Variants in VIPR1 observed in about 807,000 individuals in gnomAD.
VIPR1 encodes vasoactive intestinal peptide receptor 1, also known as vasoactive intestinal polypeptide receptor 1.
In VIPR1, 59 loss-of-function variants were observed where a neutral mutation model predicts 58.8. That is an observed-to-expected ratio of 1.00 (90% CI 0.81 to 1.25). The LOEUF is 1.25. Among genes scored for constraint, VIPR1 ranks in the 50% most tolerant of loss-of-function variants. The pLI is 0.00. For missense variants in VIPR1, 626 were observed against 602.7 expected (o/e 1.04, Z -0.40); for synonymous variants, 251 against 242.1 (o/e 1.04, Z -0.34).
chr3:42,531,619 G>A lies in VIPR1; in HGVS notation c.851+88G>A, dbSNP rs1223240320. ...TGATAATGCCATCTGGCCTTGGTGA[G>A]TGGACAAAAACCACAGCTCTCGGGC... On this transcript the variant is annotated intron_variant, in intron 8 of 12. Transcript: ENST00000325123. 6.3e-6 allele frequency: 10 copies of A among 1,575,634 alleles called. No homozygotes were observed. The East Asian group carries it at 1.2e-4, about 18-fold the overall frequency.
chr3:42,519,705 A>G (rs1399547451), intron 3 of VIPR1, among the ~76,000 whole-genome samples: 2 of 152,332 alleles, frequency 1.3e-5, no homozygotes, highest in African/African-American at 2.4e-5. Context: ...GACTTTGCTT[A>G]CACACCTTGT....
At chr3:42,517,002 G>A (rs1285740099) in intron 2 of VIPR1, among the ~76,000 whole-genome samples, 1 of 152,226 alleles carries the variant, frequency 6.6e-6, no homozygotes, top group Non-Finnish European at 1.5e-5. Flanking sequence ...CAGAGAAGCT[G>A]GCCCAGAATG....
chr3:42,530,493 G>A (rs1210641775), intron 6 of VIPR1: 3 of 364,890 alleles, frequency 8.2e-6, no homozygotes, highest in African/African-American at 6.0e-5. Context: ...ATGGATAGGT[G>A]GGTAGATGAT....
chr3:42,522,099 ATATTT>A (rs1559489562), intron 3 of VIPR1, among the ~76,000 whole-genome samples: 1 of 55,580 alleles, frequency 1.8e-5, no homozygotes, highest in African/African-American at 9.7e-5. Context: ...ATATATATAT[ATATTT>A]TTTTTTTTTT....
In VIPR1 at chr3:42,519,398, A is replaced by C. The variant is rs1168890060; in HGVS notation, c.292+68A>C. 4.3e-6 allele frequency: 6 copies of C among 1,407,712 alleles called. No homozygotes were observed. In the Admixed American group the frequency reaches 1.4e-4, roughly 33 times the overall value. 87.2% of individuals were successfully genotyped at this position (1,407,712 alleles called of 1,614,324 possible). A position where few individuals can be genotyped will look rare whatever the true frequency, so the allele number is the denominator to read the frequency against. On this transcript the variant is annotated intron_variant, in intron 3 of 12. Coordinates refer to ENST00000325123, the MANE Select transcript of VIPR1 (RefSeq NM_004624.4). ...TGGAGTGGGGACTCACCTCTCAAGG[A>C]AGTGGAAAGGCAAAGGAAAGTGGTC...
chr3:42,522,439 A>G (rs1040733859), intron 3 of VIPR1, among the ~76,000 whole-genome samples: 2 of 152,140 alleles, frequency 1.3e-5, no homozygotes, highest in Non-Finnish European at 2.9e-5. Context: ...GATTTGTTTT[A>G]AAATAAATAT....
At chr3:42,519,181 T>C in intron 2 of VIPR1, 42 bp from the exon 3 acceptor site, 2 of 1,519,386 alleles carry the variant, frequency 1.3e-6, no homozygotes, top group Non-Finnish European at 8.9e-7. Context: ...TGGAGGCACC[T>C]GCACTGTGCT....
At position 42,502,723 on chromosome 3, in the gene VIPR1, C is replaced by G; in HGVS notation, c.-13C>G. On this transcript the variant is annotated 5_prime_UTR_variant, in exon 1 of 13. Transcript: ENST00000325123. ...CCCGCGCGGGGCCGCCCGCCGCGGGCTCAGGGCAGACCATGCGCCCGCCAA... is the reference window on the plus strand; with the variant it reads ...CCCGCGCGGGGCCGCCCGCCGCGGGGTCAGGGCAGACCATGCGCCCGCCAA... 1 of 1,309,028 alleles carries G rather than the reference C, an allele frequency of 7.6e-7. No individual in the cohort carries two copies. The highest frequency in any genetic ancestry group is 9.7e-7 in the Non-Finnish European group (1 of 1,033,556). 81.1% of individuals were successfully genotyped at this position (1,309,028 alleles called of 1,614,324 possible).
intron 11 of VIPR1, 89 bp downstream of exon 11, chr3:42,535,193 C>T: frequency 1.2e-6 from 2 of 1,602,754 alleles, no homozygotes; most frequent in Non-Finnish European, 1.7e-6. Context: ...GGATTCCAAC[C>T]TTTTTACTGT....
chr3:42,527,786 G>A (rs1701313110), intron 5 of VIPR1: 1 of 735,702 alleles, frequency 1.4e-6, no homozygotes, highest in Non-Finnish European at 2.2e-6. Flanking sequence ...ACGAGGTTGA[G>A]GCCCTTGGGA....
Position 42,507,744 on chromosome 3 carries a change from A to G in VIPR1, c.78+4931A>G, listed in dbSNP as rs146129911. 4 of 152,274 alleles carry G rather than the reference A, an allele frequency of 2.6e-5. No homozygotes were observed. The East Asian group carries it at 5.8e-4, about 22-fold the overall frequency. The allele number at this position is 152,274 out of a possible 1,614,324, so 9.4% of individuals were successfully genotyped here. A position where few individuals can be genotyped will look rare whatever the true frequency, so the allele number is the denominator to read the frequency against. On this transcript the variant is annotated intron_variant, in intron 1 of 12. Transcript: ENST00000325123. ...TTCCAAGAAGAACCCTTAGATGGGA[A>G]CAAGCTAAGTGTCTGTGCTTGGGTT... is the stretch of plus-strand genomic sequence containing the variant.
intron 5 of VIPR1, 196 bp from the exon 6 acceptor site, chr3:42,527,795 G>C: frequency 1.3e-6 from 1 of 785,800 alleles, no homozygotes; most frequent in Non-Finnish European, 2.0e-6. Context: ...AGGCCCTTGG[G>C]AGCCCAGTTG....
chr3:42,532,206 G>T (rs569819704), intron 9 of VIPR1, 36 bp from the exon 10 acceptor site: 13 of 1,604,764 alleles, frequency 8.1e-6, no homozygotes, highest in Middle Eastern at 1.6e-4. Context: ...CAGCCTTCCC[G>T]CTCTGACTGC....
At chr3:42,530,389 T>G in intron 6 of VIPR1, 1 of 202,462 alleles carries the variant, frequency 4.9e-6, no homozygotes, top group Admixed American at 5.2e-5. Context: ...GATGGGAAGA[T>G]GATAGATGAT....
rs1181133130 is a variant in VIPR1 at position 42,513,825 on chromosome 3, A to G, written c.155A>G (p.Glu52Gly). 1 of 1,551,624 alleles carries G rather than the reference A, an allele frequency of 6.4e-7. No individual in the cohort carries two copies. Among genetic ancestry groups the G allele is most frequent in the African/African-American group, 1.4e-5 (1 of 73,162 alleles). ...MIEVQHKQCLEEAQLENETIG... is the reference protein window; with the variant it reads ...MIEVQHKQCLGEAQLENETIG... ...GAGGTGCAGCACAAGCAGTGCCTGG[A>G]GGAGGCCCAGCTGGAGAATGAGACA... The change falls in exon 2 of 13, where the codon GAG (glutamate) becomes GGG (glycine). Residue 52 changes from glutamate to glycine, a missense_variant. Coordinates refer to ENST00000325123, the MANE Select transcript of VIPR1 (RefSeq NM_004624.4).
intron 12 of VIPR1, 145 bp from the exon 13 acceptor site, chr3:42,535,945 C>A: frequency 1.9e-6 from 2 of 1,029,670 alleles, no homozygotes; most frequent in Non-Finnish European, 2.8e-6. Context: ...AAGTTTGCAC[C>A]GCCCGAGGCA....
At position 42,536,203 on chromosome 3, in the gene VIPR1, G is replaced by A. The variant is rs1477118497; in HGVS notation, c.1296G>A (p.Thr432=). ...GCAGCAACGGCGCCACGTGCAGCACGCAGGTTTCCATGCTGACCCGCGTCA... is the reference window on the plus strand; with the variant it reads ...GCAGCAACGGCGCCACGTGCAGCACACAGGTTTCCATGCTGACCCGCGTCA... ...SGGSNGATCS[T]QVSMLTRVSP... Residue 432 remains threonine, a synonymous_variant, in exon 13 of 13, where the codon ACG becomes ACA. Coordinates refer to ENST00000325123, the MANE Select transcript of VIPR1 (RefSeq NM_004624.4). The A allele has an allele frequency of 6.3e-7, 1 of 1,598,710 alleles. No individual in the cohort carries two copies.
upstream of VIPR1, among the ~76,000 whole-genome samples, chr3:42,497,689 G>A (rs552203581): frequency 4.6e-5 from 7 of 152,234 alleles, no homozygotes; most frequent in South Asian, 8.3e-4. Flanking sequence ...TCATGGGGGC[G>A]GTTTCCCCGA....
At chr3:42,506,142 C>T (rs145986727) in intron 1 of VIPR1, among the ~76,000 whole-genome samples, 254 of 152,308 alleles carry the variant, frequency 1.7e-3, no homozygotes, top group African/African-American at 3.0e-3. Context: ...GAATGGGGGA[C>T]GTTTCCTCAT....
Sources: allele counts gnomAD v4.1 joint callset (sites outside exome capture counted in the v4.1 genomes callset), GRCh38; gene constraint gnomAD v4.1.1; transcripts MANE v1.5; gene names NCBI Gene and HGNC (gene_info 2026-07-23, HGNC 2026-07-21).